DOCK1: variants seen among roughly 807,000 people sequenced by gnomAD.
DOCK1 encodes dedicator of cytokinesis protein 1.
In DOCK1, 138 loss-of-function variants were observed where a neutral mutation model predicts 262.7. The ratio of observed to expected loss-of-function variants is 0.53; its 90% confidence interval spans 0.46 to 0.61. DOCK1 has a LOEUF of 0.61. Among genes scored for constraint, DOCK1 ranks in the 20% least tolerant of loss-of-function variants. The pLI is 0.00. For missense variants in DOCK1, 1,908 were observed against 2,370.7 expected, an observed-to-expected ratio of 0.80 and a Z score of 4.05; for synonymous variants, 866 against 867.4, an observed-to-expected ratio of 1.00 and a Z score of 0.03.
intron 4 of DOCK1, among the ~76,000 whole-genome samples, chr10:126,984,945 A>G (rs2039259407): frequency 7.2e-6 from 1 of 138,218 alleles, no homozygotes; most frequent in Non-Finnish European, 1.6e-5. Context: ...CCTTTGACCC[A>G]TCATCTCCCC....
chr10:127,156,257 T>C (rs983016122), intron 27 of DOCK1, among the ~76,000 whole-genome samples: 1 of 152,176 alleles, frequency 6.6e-6, no homozygotes, highest in African/African-American at 2.4e-5. Flanking sequence ...TAGCCCCACT[T>C]ACAGAGGAGC....
chr10:127,156,562 C>CT (rs869132788), intron 27 of DOCK1, among the ~76,000 whole-genome samples: 19 of 16,966 alleles, frequency 1.1e-3, no homozygotes, highest in East Asian at 7.1e-3. Context: ...TCTTCTTCTT[C>CT]TTTTTTTTTT....
rs1246720739 is a variant in DOCK1 at position 126,995,396 on chromosome 10, C to T, written c.474-1352C>T. On this transcript the variant is annotated intron_variant, in intron 6 of 51. Coordinates refer to ENST00000623213, the MANE Select transcript of DOCK1 (RefSeq NM_001290223.2). This position sits in a 1 kb window ranked among gnomAD's most constrained non-coding sequence, Gnocchi z 5.8. ...GACTCTGTCTGCAATCCCAGCACCTCGGGAGGCTGAGGCTGGCAGATCACT... is the reference window on the plus strand; with the variant it reads ...GACTCTGTCTGCAATCCCAGCACCTTGGGAGGCTGAGGCTGGCAGATCACT... Among the ~76,000 whole-genome samples, 3 of 152,188 alleles carry T rather than the reference C, an allele frequency of 2.0e-5. No homozygotes were observed. Among genetic ancestry groups the T allele is most frequent in the East Asian group, 1.9e-4 (1 of 5,184 alleles).
At chr10:127,000,143 A>C (rs368324264) in intron 9 of DOCK1, 29 bp from the exon 10 acceptor site, 2 of 1,611,236 alleles carry the variant, frequency 1.2e-6, no homozygotes, top group Non-Finnish European at 1.7e-6. Flanking sequence ...TGGGTCTCCA[A>C]AATAATTTAT....
At chr10:127,217,172 G>A (rs1589986308) in intron 27 of DOCK1, among the ~76,000 whole-genome samples, 2 of 152,206 alleles carry the variant, frequency 1.3e-5, no homozygotes, top group East Asian at 3.8e-4. Flanking sequence ...CTGTGCTAAT[G>A]GGACTCTTGC....
chr10:127,137,771 G>T, intron 27 of DOCK1: 1 of 1,448,494 alleles, frequency 6.9e-7, no homozygotes, highest in Non-Finnish European at 9.4e-7. Flanking sequence ...ATTCATTTTG[G>T]AAAAGTATTG....
At chr10:127,378,664 G>T (rs757221496) in intron 35 of DOCK1, among the ~76,000 whole-genome samples, 4 of 152,156 alleles carry the variant, frequency 2.6e-5, no homozygotes, top group Non-Finnish European at 5.9e-5. Flanking sequence ...AAAGAAAAAT[G>T]ATCAAAACCT....
At chr10:127,234,180 G>A (rs1309799824) in intron 27 of DOCK1, among the ~76,000 whole-genome samples, 10 of 152,112 alleles carry the variant, frequency 6.6e-5, no homozygotes, top group African/African-American at 1.7e-4. Flanking sequence ...GTGATAGTGC[G>A]GCCTGAGGAG....
At chr10:126,980,217 G>A (rs1056287556) in intron 3 of DOCK1, among the ~76,000 whole-genome samples, 2 of 152,006 alleles carry the variant, frequency 1.3e-5, no homozygotes, top group African/African-American at 4.8e-5. Flanking sequence ...TTTGGAGACA[G>A]GGTCTCACTT....
intron 29 of DOCK1, among the ~76,000 whole-genome samples, chr10:127,259,749 C>T (rs1414826409): frequency 6.6e-6 from 1 of 151,718 alleles, no homozygotes; most frequent in Non-Finnish European, 1.5e-5. Flanking sequence ...CCGAGGGTCT[C>T]CCGTTTAGGA....
chr10:127,288,810 A>C (rs1021179960), intron 29 of DOCK1, among the ~76,000 whole-genome samples: 4 of 133,222 alleles, frequency 3.0e-5, no homozygotes, highest in African/African-American at 1.2e-4. Flanking sequence ...CACACACATA[A>C]AATAGTTTCA....
chr10:127,072,928 C>G (rs1272223685), intron 23 of DOCK1, among the ~76,000 whole-genome samples: 1 of 152,206 alleles, frequency 6.6e-6, no homozygotes, highest in Non-Finnish European at 1.5e-5. Flanking sequence ...TCAAATGCAC[C>G]TGTCCCTAGG....
intron 27 of DOCK1, among the ~76,000 whole-genome samples, chr10:127,185,371 C>T (rs1369541747): frequency 6.6e-6 from 1 of 151,950 alleles, no homozygotes; most frequent in Non-Finnish European, 1.5e-5. Context: ...ACTAAAAATA[C>T]AAAAATTAGC....
At chr10:126,908,311 A>T (rs930987219) in intron 1 of DOCK1, among the ~76,000 whole-genome samples, 7 of 152,248 alleles carry the variant, frequency 4.6e-5, no homozygotes, top group African/African-American at 1.7e-4. Context: ...CCTAAGGGAA[A>T]ATTACTGGAG....
chr10:127,268,912 G>T (rs893782829), intron 29 of DOCK1, among the ~76,000 whole-genome samples: 3 of 152,110 alleles, frequency 2.0e-5, no homozygotes, highest in Non-Finnish European at 4.4e-5. Flanking sequence ...CTGTTCTCAG[G>T]GTGCTTGGGC....
chr10:126,967,269 G>T (rs2037742417), intron 1 of DOCK1, among the ~76,000 whole-genome samples: 1 of 152,104 alleles, frequency 6.6e-6, no homozygotes, highest in Non-Finnish European at 1.5e-5. Flanking sequence ...CCTAAGAAGG[G>T]GCAACTGTGA....
chr10:127,369,908 C>T (rs1354257106), intron 33 of DOCK1, among the ~76,000 whole-genome samples: 4 of 152,192 alleles, frequency 2.6e-5, no homozygotes, highest in East Asian at 1.9e-4. Context: ...AGTGATGGAT[C>T]GGGAGGGACC....
intron 1 of DOCK1, among the ~76,000 whole-genome samples, chr10:126,934,018 T>C (rs2034372394): frequency 1.3e-5 from 2 of 152,136 alleles, no homozygotes; most frequent in Non-Finnish European, 2.9e-5. Flanking sequence ...GGTTTTGCCA[T>C]GTTGGACAGG....
chr10:127,208,194 T>G (rs1484586862), intron 27 of DOCK1, among the ~76,000 whole-genome samples: 2 of 152,224 alleles, frequency 1.3e-5, no homozygotes, highest in Non-Finnish European at 2.9e-5. Flanking sequence ...TTTTGCTGTC[T>G]TAGTTATGGG....
Sources: allele counts gnomAD v4.1 joint callset (sites outside exome capture counted in the v4.1 genomes callset), GRCh38; gene constraint gnomAD v4.1.1; non-coding constraint Gnocchi (gnomAD v3.1); transcripts MANE v1.5; gene names NCBI Gene and HGNC (gene_info 2026-07-23, HGNC 2026-07-21).